Variants in DOCK8 observed in about 807,000 individuals in gnomAD.
The protein encoded by DOCK8 is dedicator of cytokinesis 8.
A neutral mutation model predicts 245.6 loss-of-function variants in DOCK8; 141 were observed. That is an observed-to-expected ratio of 0.57 (90% confidence interval 0.50 to 0.66). The LOEUF (loss-of-function observed/expected upper bound fraction) is 0.66, where lower values mean the gene tolerates loss of function less well. DOCK8 is among the 30% of genes least tolerant of loss of function. DOCK8 has a pLI of 0.00. For missense variants in DOCK8, 2,965 were observed against 2,603.4 expected (o/e 1.14, Z -3.02); for synonymous variants, 1,168 against 970.2 (o/e 1.20, Z -3.79).
chr9:231,231 T>C (rs1385892148), intron 1 of DOCK8, among the ~76,000 whole-genome samples: 1 of 152,182 alleles, frequency 6.6e-6, no homozygotes, highest in African/African-American at 2.4e-5. Flanking sequence ...GCATTATTTC[T>C]GAGGGCTCTG....
At chr9:306,971 G>T (rs1456672300) in intron 5 of DOCK8, among the ~76,000 whole-genome samples, 1 of 152,156 alleles carries the variant, frequency 6.6e-6, no homozygotes, top group African/African-American at 2.4e-5. Context: ...AGGAGAAATT[G>T]CCCGGCTGGT....
In DOCK8 at chr9:272,595, C is replaced by T. The variant is rs1223931617; in HGVS notation, c.156+866C>T. ...GAGACAGGGGTCTCGCTATGTTGCC[C>T]AGGCTGGTCTTGAACTCCTGGGCTC... is the stretch of plus-strand genomic sequence containing the variant. On this transcript the variant is annotated intron_variant, in intron 2 of 47. Coordinates refer to ENST00000432829, the MANE Select transcript of DOCK8 (RefSeq NM_203447.4). 2.6e-5 allele frequency among the ~76,000 whole-genome samples: 4 copies of T among 152,128 alleles called. No homozygotes were observed. In the East Asian group the frequency reaches 5.8e-4, roughly 22 times the overall value.
At chr9:391,821 CTTTTTTTTT>C (rs373810616) in intron 24 of DOCK8, among the ~76,000 whole-genome samples, 2 of 116,278 alleles carry the variant, frequency 1.7e-5, no homozygotes, top group African/African-American at 3.1e-5. Flanking sequence ...TTAAGTGAAT[CTTTTTTTTT>C]TTTTTTTTTT....
rs185063459 is a variant in DOCK8 at position 244,000 on chromosome 9, T to C, written c.54-27627T>C. ...GAGATCGAGACCATCCTGGCTAACA[T>C]GGTGAAACCCCGTCTCTACTAAAAA... On this transcript the variant is annotated intron_variant, in intron 1 of 47. Transcript: ENST00000432829. Among the ~76,000 whole-genome samples the C allele has an allele frequency of 5.5e-3, 833 of 151,902 alleles. 5 individuals are homozygous for C. Among genetic ancestry groups the C allele is most frequent in the African/African-American group, 0.017 (712 of 41,416 alleles).
intron 28 of DOCK8, among the ~76,000 whole-genome samples, chr9:411,437 T>TAATAATAC (rs1564030463): frequency 2.0e-5 from 3 of 151,386 alleles, no homozygotes; most frequent in African/African-American, 7.3e-5. Flanking sequence ...AATAATAATA[T>TAATAATAC]ATTTTAAAAT....
intron 43 of DOCK8, among the ~76,000 whole-genome samples, chr9:444,425 C>T (rs2057188839): frequency 6.6e-6 from 1 of 151,564 alleles, no homozygotes; most frequent in East Asian, 1.9e-4. Context: ...TCACAGAATT[C>T]CAAAAAGTAC....
chr9:386,812 T>TTAG (rs985212227), intron 23 of DOCK8, among the ~76,000 whole-genome samples: 2 of 152,188 alleles, frequency 1.3e-5, no homozygotes, highest in African/African-American at 4.8e-5. Flanking sequence ...TGGCCTCCTT[T>TTAG]TAGTAGAGGG....
At chr9:382,412 G>A (rs2053757760) in intron 21 of DOCK8, 101 bp from the exon 22 acceptor site, 3 of 1,524,180 alleles carry the variant, frequency 2.0e-6, no homozygotes, top group Admixed American at 3.3e-5. Context: ...GCCTAATCCG[G>A]TGGCTTTTCA....
chr9:233,903 T>C (rs2047183124), intron 1 of DOCK8, among the ~76,000 whole-genome samples: 1 of 152,088 alleles, frequency 6.6e-6, no homozygotes, highest in African/African-American at 2.4e-5. Context: ...TTACATTTAA[T>C]TTAATATTGT....
At chr9:286,372 G>T in intron 2 of DOCK8, 89 bp from the exon 3 acceptor site, 1 of 1,476,016 alleles carries the variant, frequency 6.8e-7, no homozygotes, top group Non-Finnish European at 9.3e-7. Context: ...CTAAGTCAAA[G>T]GAAAGCAAGG....
At chr9:216,713 T>G (rs2046764017) in intron 1 of DOCK8, among the ~76,000 whole-genome samples, 1 of 152,114 alleles carries the variant, frequency 6.6e-6, no homozygotes, top group Non-Finnish European at 1.5e-5. Context: ...CTATAGCTCC[T>G]GATCCTCTGT....
At chr9:395,337 T>A (rs2054399120) in intron 24 of DOCK8, among the ~76,000 whole-genome samples, 1 of 152,186 alleles carries the variant, frequency 6.6e-6, no homozygotes, top group South Asian at 2.1e-4. Context: ...GGTTTTTTCT[T>A]ATTTTGCCTT....
In DOCK8 at chr9:328,117, A is replaced by G. The variant is rs780578469; in HGVS notation, c.990A>G (p.Arg330=). The stretch of plus-strand genomic sequence containing the variant: ...CAGTGGCCGCATCAAGTCAGGCGAG[A>G]TCTGCAGTCTTCTCAGTCACCTACC... ...TPSVAASSQA[R]SAVFSVTYPS... The change falls in exon 9 of 48, where the codon AGA becomes AGG. Residue 330 remains arginine, a synonymous_variant. Coordinates refer to ENST00000432829, the MANE Select transcript of DOCK8 (RefSeq NM_203447.4). The G allele has an allele frequency of 6.2e-7, 1 of 1,614,184 alleles. No homozygotes were observed. Among genetic ancestry groups the G allele is most frequent in the Non-Finnish European group, 8.5e-7 (1 of 1,180,024 alleles).
chr9:254,564 A>G (rs1166688055), intron 1 of DOCK8, among the ~76,000 whole-genome samples: 1 of 152,166 alleles, frequency 6.6e-6, no homozygotes, highest in Non-Finnish European at 1.5e-5. Flanking sequence ...AAACTTGTTT[A>G]CATAGTAGTA....
chr9:251,039 G>C (rs542261877), intron 1 of DOCK8, among the ~76,000 whole-genome samples: 3 of 152,158 alleles, frequency 2.0e-5, no homozygotes, highest in African/African-American at 4.8e-5. Flanking sequence ...GAAGCAAAGA[G>C]GAGTCTAGGG....
intron 27 of DOCK8, 137 bp downstream of exon 27, chr9:405,210 T>A (rs751700587): frequency 2.2e-6 from 2 of 901,568 alleles, no homozygotes; most frequent in Non-Finnish European, 3.4e-6. Context: ...AGATCAAGTA[T>A]GCTACCCTGA....
At chr9:235,973 A>G (rs971920641) in intron 1 of DOCK8, among the ~76,000 whole-genome samples, 1 of 152,174 alleles carries the variant, frequency 6.6e-6, no homozygotes, top group African/African-American at 2.4e-5. Context: ...AAATGCAGAA[A>G]TCACCCGTAT....
chr9:243,515 G>C (rs1460199721), intron 1 of DOCK8, among the ~76,000 whole-genome samples: 2 of 152,132 alleles, frequency 1.3e-5, no homozygotes, highest in East Asian at 3.9e-4. Flanking sequence ...CCTCTTTGCT[G>C]AGATCAAGGG....
chr9:233,125 T>A lies in DOCK8; in HGVS notation c.53+18096T>A, dbSNP rs184042226. On this transcript the variant is annotated intron_variant, in intron 1 of 47. Transcript: ENST00000432829. Reference sequence around the variant, plus strand: ...TTGTTCTTGCTGGTTTCAAAGAACATCTTTATTTCTGCCTTCATTTCATTA... The same window carrying A: ...TTGTTCTTGCTGGTTTCAAAGAACAACTTTATTTCTGCCTTCATTTCATTA... Among the ~76,000 whole-genome samples, 119 of 152,180 alleles carry A rather than the reference T, an allele frequency of 7.8e-4. 2 individuals carry two copies. Among genetic ancestry groups the A allele is most frequent in the African/African-American group, 2.7e-3 (110 of 41,506 alleles).
Sources: allele counts gnomAD v4.1 joint callset (sites outside exome capture counted in the v4.1 genomes callset), GRCh38; gene constraint gnomAD v4.1.1; transcripts MANE v1.5; gene names NCBI Gene and HGNC (gene_info 2026-07-23, HGNC 2026-07-21).